SPSB4: variants seen among roughly 807,000 people sequenced by gnomAD.
The protein encoded by SPSB4 is SPRY domain-containing SOCS box protein 4.
In SPSB4, 21 loss-of-function variants were observed where a neutral mutation model predicts 20.9. The ratio of observed to expected loss-of-function variants is 1.01; its 90% confidence interval spans 0.71 to 1.45. The LOEUF is 1.45. SPSB4 is among the 40% of genes most tolerant of loss of function. The pLI, the probability that SPSB4 is intolerant of heterozygous loss-of-function variation, is 0.00. For synonymous variants in SPSB4, 207 were observed against 183.8 expected, an observed-to-expected ratio of 1.13 and a Z score of -1.02; for missense variants, 399 against 399.2, an observed-to-expected ratio of 1.00 and a Z score of 0.00.
At chr3:141,116,967 C>A (rs933797630) in intron 2 of SPSB4, 1 of 152,154 alleles carries the variant, frequency 6.6e-6, no homozygotes, top group African/African-American at 2.4e-5. Flanking sequence ...GGCTCTGAGC[C>A]CCAGATCTGA....
In SPSB4 at chr3:141,077,319, C is replaced by T. The variant is rs998000148; in HGVS notation, c.694+10521C>T. ...CAGCGGCTGCTTTCTATAAATAGAG[C>T]CGTGAGTTCTGCTTCGTGACCCGCC... On this transcript the variant is annotated intron_variant, in intron 2 of 2. Coordinates refer to ENST00000310546, the MANE Select transcript of SPSB4 (RefSeq NM_080862.3). 2.0e-5 allele frequency: 3 copies of T among 152,338 alleles called. No homozygotes were observed. The East Asian group carries it at 5.8e-4, about 29-fold the overall frequency. 9.4% of individuals were successfully genotyped at this position (152,338 alleles called of 1,614,324 possible).
chr3:141,118,767 T>C (rs1268256860), intron 2 of SPSB4, among the ~76,000 whole-genome samples: 3 of 152,218 alleles, frequency 2.0e-5, no homozygotes, highest in Admixed American at 2.0e-4. Context: ...TCATTGCTTG[T>C]TTTTGTCAGG....
intron 2 of SPSB4, among the ~76,000 whole-genome samples, chr3:141,124,594 A>T (rs950815067): frequency 6.6e-6 from 1 of 152,148 alleles, no homozygotes; most frequent in Admixed American, 6.5e-5. Flanking sequence ...AGTCAGGAAG[A>T]TAGAAAGGAT....
In SPSB4 at chr3:141,064,392, C is replaced by T. The variant is rs1232998839; in HGVS notation, c.-153-1560C>T. ...ACTTTATTCTGCTATCTTAAAACTG[C>T]CTAGTGTTGCAAATTGTTATGTGTT... On this transcript the variant is annotated intron_variant, in intron 1 of 2. Transcript: ENST00000310546. Among the ~76,000 whole-genome samples, 9 of 152,266 alleles carry T rather than the reference C, an allele frequency of 5.9e-5. 1 individual carries two copies. The highest frequency in any genetic ancestry group is 1.5e-5 in the Non-Finnish European group (1 of 68,028).
chr3:141,147,854 T>C lies in SPSB4; in HGVS notation c.*585T>C, dbSNP rs1400726496. The C allele has an allele frequency of 1.9e-5, 3 of 154,000 alleles. No individual in the cohort carries two copies. Among genetic ancestry groups the C allele is most frequent in the African/African-American group, 4.8e-5 (2 of 41,446 alleles). The allele number at this position is 154,000 out of a possible 1,614,324, so 9.5% of individuals were successfully genotyped here. A position where few individuals can be genotyped will look rare whatever the true frequency, so the allele number is the denominator to read the frequency against. On this transcript the variant is annotated 3_prime_UTR_variant, in exon 3 of 3. Transcript: ENST00000310546. ...CAGACCTGGCAAGTGGACAGTGCAG[T>C]GTGGAGACACCTTCCGGCTTACCTC...
intron 2 of SPSB4, among the ~76,000 whole-genome samples, chr3:141,144,760 C>G (rs1055686499): frequency 5.3e-5 from 8 of 152,242 alleles, no homozygotes; most frequent in African/African-American, 1.9e-4. Context: ...ATTCTGTCCT[C>G]TTCAGCCCCT....
At chr3:141,139,792 G>T (rs1314648953) in intron 2 of SPSB4, among the ~76,000 whole-genome samples, 2 of 152,110 alleles carry the variant, frequency 1.3e-5, no homozygotes, top group African/African-American at 4.8e-5. Context: ...TTCAACTTTG[G>T]TGAATCTGAC....
intron 2 of SPSB4, among the ~76,000 whole-genome samples, chr3:141,112,238 T>A (rs1336134956): frequency 6.6e-6 from 1 of 152,154 alleles, no homozygotes; most frequent in Non-Finnish European, 1.5e-5. Context: ...ATGAGCTAAT[T>A]TATGGAAAGT....
At chr3:141,069,547 C>A (rs1332639811) in intron 2 of SPSB4, among the ~76,000 whole-genome samples, 1 of 152,154 alleles carries the variant, frequency 6.6e-6, no homozygotes, top group Non-Finnish European at 1.5e-5. Context: ...TCCTTGGAAG[C>A]AAAAGGCAGG....
intron 2 of SPSB4, among the ~76,000 whole-genome samples, chr3:141,144,339 A>G (rs1206368014): frequency 1.3e-5 from 2 of 152,218 alleles, no homozygotes; most frequent in Non-Finnish European, 2.9e-5. Context: ...ATGAACAATG[A>G]TTCTTTTTCG....
In SPSB4 at chr3:141,143,020, G is replaced by T. The variant is rs974420828; in HGVS notation, c.695-4122G>T. On this transcript the variant is annotated intron_variant, in intron 2 of 2. Transcript: ENST00000310546. ...TTTAGTAGAAATGGGGTTTCACCGT[G>T]TTAGCCAGGATGGTCTCCATCTCCT... is the stretch of plus-strand genomic sequence containing the variant. 2.6e-5 allele frequency among the ~76,000 whole-genome samples: 4 copies of T among 151,806 alleles called. No individual in the cohort carries two copies. In the East Asian group the frequency reaches 7.8e-4, roughly 29 times the overall value.
intron 2 of SPSB4, among the ~76,000 whole-genome samples, chr3:141,129,729 C>T (rs7647349): frequency 0.086 from 13,070 of 152,282 alleles, 551 homozygotes; most frequent in South Asian, 0.16. Flanking sequence ...CTGGAACATT[C>T]GAATGGAATT....
intron 1 of SPSB4, 54 bp downstream of exon 1, chr3:141,052,046 C>T (rs1394118611): frequency 1.3e-5 from 2 of 152,724 alleles, no homozygotes; most frequent in Admixed American, 1.3e-4. Flanking sequence ...GAGCCGAGAT[C>T]CGGCTGCACG....
intron 2 of SPSB4, among the ~76,000 whole-genome samples, chr3:141,134,018 CTTTTTTTTTTTCTTTTCTT>C (rs1939180555): frequency 1.2e-4 from 7 of 56,496 alleles, no homozygotes; most frequent in Non-Finnish European, 2.0e-4. Flanking sequence ...AGTATTTTTC[CTTTTTTTTTTTCTTTTCTT>C]TTTTTTTTTT....
intron 2 of SPSB4, among the ~76,000 whole-genome samples, chr3:141,110,330 TAAAAC>T (rs1938775497): frequency 6.6e-6 from 1 of 152,200 alleles, no homozygotes; most frequent in Non-Finnish European, 1.5e-5. Flanking sequence ...TTTCAATCAT[TAAAAC>T]AGAGCAAGTT....
intron 2 of SPSB4, among the ~76,000 whole-genome samples, chr3:141,091,993 A>G (rs1267928620): frequency 6.6e-6 from 1 of 152,198 alleles, no homozygotes; most frequent in South Asian, 2.1e-4. Context: ...TGCTTTTCTC[A>G]GTAGTCAGTG....
intron 2 of SPSB4, among the ~76,000 whole-genome samples, chr3:141,090,465 A>G (rs1367478706): frequency 2.0e-5 from 3 of 152,136 alleles, no homozygotes; most frequent in Admixed American, 6.5e-5. Context: ...TTTAAATAAG[A>G]TGGTTGAGAA....
chr3:141,090,240 T>C (rs1938424657), intron 2 of SPSB4, among the ~76,000 whole-genome samples: 1 of 152,188 alleles, frequency 6.6e-6, no homozygotes, highest in Non-Finnish European at 1.5e-5. Flanking sequence ...GAGTACCTAC[T>C]ACATGCCAAG....
chr3:141,096,187 A>C (rs1938544948), intron 2 of SPSB4, among the ~76,000 whole-genome samples: 1 of 152,098 alleles, frequency 6.6e-6, no homozygotes, highest in South Asian at 2.1e-4. Flanking sequence ...AGAGGAGCCA[A>C]ACCTAGAATG....
Sources: allele counts gnomAD v4.1 joint callset (sites outside exome capture counted in the v4.1 genomes callset), GRCh38; gene constraint gnomAD v4.1.1; transcripts MANE v1.5; gene names NCBI Gene and HGNC (gene_info 2026-07-23, HGNC 2026-07-21).